The following GRID2 variants were observed in gnomAD, a reference collection of about 807,000 sequenced individuals.
The protein encoded by GRID2 is glutamate ionotropic receptor delta type subunit 2.
Under a neutral mutation model 114.8 loss-of-function variants are expected in GRID2, and 33 were observed. The observed-to-expected ratio is 0.29, with a 90% CI of 0.22 to 0.38. The LOEUF is 0.38. Among genes scored for constraint, GRID2 ranks in the 10% least tolerant of loss-of-function variants. GRID2 has a pLI of 1.00. For missense variants in GRID2, 1,184 were observed against 1,257.7 expected, an observed-to-expected ratio of 0.94 and a Z score of 0.89; for synonymous variants, 505 against 449.9, an observed-to-expected ratio of 1.12 and a Z score of -1.55.
In GRID2 at chr4:92,921,583, C is replaced by A. The variant is rs190335982; in HGVS notation, c.245-163412C>A. ...TTCTAACAGTCAGGACCCTCAGCTG[C>A]AGGTCTGTTGGAGTTTGCTGGAGGT... On this transcript the variant is annotated intron_variant, in intron 2 of 15. Coordinates refer to ENST00000282020, the MANE Select transcript of GRID2 (RefSeq NM_001510.4). 3.9e-5 allele frequency among the ~76,000 whole-genome samples: 6 copies of A among 152,290 alleles called. No individual in the cohort carries two copies. In the East Asian group the frequency reaches 1.2e-3, roughly 29 times the overall value.
chr4:92,905,888 A>G (rs1747914948), intron 2 of GRID2, among the ~76,000 whole-genome samples: 1 of 152,152 alleles, frequency 6.6e-6, no homozygotes, highest in Non-Finnish European at 1.5e-5. Flanking sequence ...ATTTCTAATT[A>G]ATTTATTAAT....
chr4:92,840,607 C>T (rs1272271398), intron 2 of GRID2, among the ~76,000 whole-genome samples: 3 of 151,946 alleles, frequency 2.0e-5, no homozygotes, highest in South Asian at 2.1e-4. Context: ...AGAAATTCTA[C>T]GTGAAAATGT....
chr4:93,671,211 G>A (rs866453036), intron 14 of GRID2, among the ~76,000 whole-genome samples: 2 of 152,170 alleles, frequency 1.3e-5, no homozygotes, highest in Non-Finnish European at 2.9e-5. Flanking sequence ...GCAGAGTGAC[G>A]TTCTAAAATA....
rs73839301 is a variant in GRID2 at position 92,390,913 on chromosome 4, A to G, written c.88+86169A>G. ...GCTTAATCATGGCATTTTTGGCACC[A>G]AGCCTGGTACCCAGGATAAAATAGG... On this transcript the variant is annotated intron_variant, in intron 1 of 15. Coordinates refer to ENST00000282020, the MANE Select transcript of GRID2 (RefSeq NM_001510.4). 8.9e-3 allele frequency among the ~76,000 whole-genome samples: 1,351 copies of G among 152,286 alleles called. 18 individuals are homozygous for G. The highest frequency in any genetic ancestry group is 0.031 in the African/African-American group (1,300 of 41,568).
At chr4:92,923,653 G>C (rs1749552617) in intron 2 of GRID2, among the ~76,000 whole-genome samples, 1 of 152,140 alleles carries the variant, frequency 6.6e-6, no homozygotes, top group Admixed American at 6.6e-5. Flanking sequence ...CTGGGGAGTA[G>C]ATACATTATA....
At chr4:93,710,559 G>A (rs1728396746) in intron 14 of GRID2, among the ~76,000 whole-genome samples, 1 of 152,102 alleles carries the variant, frequency 6.6e-6, no homozygotes, top group South Asian at 2.1e-4. Context: ...TCTTGCCCAA[G>A]GCCTGTAACA....
intron 2 of GRID2, among the ~76,000 whole-genome samples, chr4:92,931,429 T>G (rs931067897): frequency 5.3e-5 from 8 of 150,910 alleles, no homozygotes; most frequent in Non-Finnish European, 7.4e-5. Flanking sequence ...ACAGGCAAGA[T>G]CTCTTCCTAC....
chr4:93,728,259 G>A (rs1392313457), intron 14 of GRID2, among the ~76,000 whole-genome samples: 1 of 152,146 alleles, frequency 6.6e-6, no homozygotes, highest in Non-Finnish European at 1.5e-5. Context: ...TAGTCATTCA[G>A]AAGCAGGTTG....
intron 2 of GRID2, among the ~76,000 whole-genome samples, chr4:92,829,132 G>GT (rs1741929151): frequency 6.6e-6 from 1 of 152,088 alleles, no homozygotes; most frequent in African/African-American, 2.4e-5. Flanking sequence ...TTCTTCTAGG[G>GT]TTTTTATAGT....
At chr4:92,316,857 A>G (rs1726009971) in intron 1 of GRID2, among the ~76,000 whole-genome samples, 1 of 152,218 alleles carries the variant, frequency 6.6e-6, no homozygotes, top group African/African-American at 2.4e-5. Context: ...CTCATTTCTC[A>G]GCTTTCTGAT....
chr4:93,682,227 T>G lies in GRID2; in HGVS notation c.2360+55792T>G, dbSNP rs970472448. ...AGAGAAATGCAAATCAAAACCACAA[T>G]GAGATACCATCTCACACCAGTTAGA... On this transcript the variant is annotated intron_variant, in intron 14 of 15. Coordinates refer to ENST00000282020, the MANE Select transcript of GRID2 (RefSeq NM_001510.4). Among the ~76,000 whole-genome samples the G allele has an allele frequency of 8.8e-5, 13 of 148,262 alleles. No individual in the cohort carries two copies. In the South Asian group the frequency reaches 1.9e-3, roughly 22 times the overall value.
intron 13 of GRID2, 23 bp from the exon 14 acceptor site, chr4:93,626,246 T>G: frequency 6.8e-7 from 1 of 1,474,890 alleles, no homozygotes; most frequent in Middle Eastern, 1.7e-4. Flanking sequence ...CTATTTCTTC[T>G]TTTGTTCTTC....
At chr4:93,001,935 C>CA (rs1465517676) in intron 2 of GRID2, among the ~76,000 whole-genome samples, 2 of 150,620 alleles carry the variant, frequency 1.3e-5, no homozygotes, top group African/African-American at 4.9e-5. Context: ...TATTTTAGGC[C>CA]AATTCTACAT....
At chr4:92,658,524 C>T (rs1487352993) in intron 2 of GRID2, among the ~76,000 whole-genome samples, 2 of 151,626 alleles carry the variant, frequency 1.3e-5, no homozygotes, top group Non-Finnish European at 3.0e-5. Context: ...AAGAGCTAAG[C>T]AAATCACATT....
intron 2 of GRID2, among the ~76,000 whole-genome samples, chr4:92,724,537 C>T (rs906881942): frequency 1.3e-5 from 2 of 152,164 alleles, no homozygotes; most frequent in Admixed American, 6.6e-5. Context: ...GCATCCACCA[C>T]GTGAACTAAC....
rs72665260 is a variant in GRID2, at chr4:93,080,869, C to T, written c.245-4126C>T. On this transcript the variant is annotated intron_variant, in intron 2 of 15. Coordinates refer to ENST00000282020, the MANE Select transcript of GRID2 (RefSeq NM_001510.4). ...TGGGAAGTCAAGATCAATACACTGGCGTCTGGAGAAGGTCTTCTTGCTTGC... is the reference window on the plus strand; with the variant it reads ...TGGGAAGTCAAGATCAATACACTGGTGTCTGGAGAAGGTCTTCTTGCTTGC... Among the ~76,000 whole-genome samples the T allele has an allele frequency of 3.5e-3, 534 of 152,224 alleles. 1 individual carries two copies. Among genetic ancestry groups the T allele is most frequent in the Middle Eastern group, 0.01 (3 of 294 alleles).
intron 2 of GRID2, among the ~76,000 whole-genome samples, chr4:92,996,390 A>G (rs1387421299): frequency 6.6e-6 from 1 of 152,194 alleles, no homozygotes; most frequent in African/African-American, 2.4e-5. Context: ...ATCATATTAT[A>G]CATATGTTTG....
intron 12 of GRID2, among the ~76,000 whole-genome samples, chr4:93,514,907 T>A (rs1029536454): frequency 6.6e-6 from 1 of 152,200 alleles, no homozygotes; most frequent in Non-Finnish European, 1.5e-5. Flanking sequence ...CTAATTTAAC[T>A]TGTCTTTGAT....
At chr4:93,052,203 G>C (rs934361513) in intron 2 of GRID2, among the ~76,000 whole-genome samples, 2 of 152,030 alleles carry the variant, frequency 1.3e-5, no homozygotes, top group African/African-American at 4.8e-5. Flanking sequence ...AAAAATTACT[G>C]TGATGATGGA....
Sources: allele counts gnomAD v4.1 joint callset (sites outside exome capture counted in the v4.1 genomes callset), GRCh38; gene constraint gnomAD v4.1.1; transcripts MANE v1.5; gene names NCBI Gene and HGNC (gene_info 2026-07-23, HGNC 2026-07-21).